NLGN1: variants seen among roughly 807,000 people sequenced by gnomAD.
NLGN1 encodes the protein neuroligin 1.
Under a neutral mutation model 65.5 loss-of-function variants are expected in NLGN1, and 12 were observed. That is an observed-to-expected ratio of 0.18 (90% CI 0.12 to 0.30). NLGN1 has a LOEUF of 0.30. Ranked by LOEUF, NLGN1 falls within the 10% of genes least tolerant of loss-of-function variation. The pLI is 1.00. For missense variants in NLGN1, 750 were observed against 1,007.1 expected (o/e 0.74, Z 3.46); for synonymous variants, 350 against 359.5 (o/e 0.97, Z 0.30).
chr3:173,702,580 T>G lies in NLGN1; in HGVS notation c.493+97489T>G, dbSNP rs185910992. On this transcript the variant is annotated intron_variant, in intron 3 of 6. Transcript: ENST00000457714. ...GATGATCAAAAAGAATTTTATTCTA[T>G]TAAAAGAACATCATATGATTTTGAG... Among the ~76,000 whole-genome samples the G allele has an allele frequency of 2.6e-5, 4 of 152,358 alleles. No homozygotes were observed. In the East Asian group the frequency reaches 7.7e-4, roughly 29 times the overall value.
chr3:173,957,596 C>A (rs561811817), intron 4 of NLGN1, among the ~76,000 whole-genome samples: 2 of 152,250 alleles, frequency 1.3e-5, no homozygotes, highest in African/African-American at 4.8e-5. Flanking sequence ...ACAATCATTT[C>A]GAGAGATATC....
intron 4 of NLGN1, among the ~76,000 whole-genome samples, chr3:174,267,532 G>A (rs1202760348): frequency 8.6e-5 from 13 of 151,942 alleles, no homozygotes; most frequent in Non-Finnish European, 1.6e-4. Context: ...TAGGACCTTG[G>A]CCTGTATTCT....
chr3:173,966,471 A>G (rs1423869275), intron 4 of NLGN1, among the ~76,000 whole-genome samples: 3 of 152,256 alleles, frequency 2.0e-5, no homozygotes, highest in Non-Finnish European at 2.9e-5. Flanking sequence ...ATAAACTAAG[A>G]AAGTACATGA....
chr3:173,398,416 C>T (rs1201267618), upstream of NLGN1: 1 of 152,186 alleles, frequency 6.6e-6, no homozygotes, highest in Non-Finnish European at 1.5e-5. Flanking sequence ...ATAAACTCTC[C>T]TGGGAAGAGA....
chr3:174,259,459 G>A (rs1313694265), intron 4 of NLGN1, among the ~76,000 whole-genome samples: 3 of 144,036 alleles, frequency 2.1e-5, no homozygotes, highest in East Asian at 2.0e-4. Context: ...CTCTTTTTTC[G>A]ATAGCCTAAG....
intron 4 of NLGN1, among the ~76,000 whole-genome samples, chr3:173,897,989 A>G (rs1736629028): frequency 6.6e-6 from 1 of 152,194 alleles, no homozygotes; most frequent in South Asian, 2.1e-4. Flanking sequence ...ATGTAAAAGA[A>G]ATGCTTTTCT....
chr3:174,128,157 A>T (rs978075966), intron 4 of NLGN1, among the ~76,000 whole-genome samples: 4 of 152,160 alleles, frequency 2.6e-5, no homozygotes, highest in African/African-American at 9.7e-5. Flanking sequence ...TTTATTGGAA[A>T]CACTCTCAAT....
At chr3:174,142,753 T>C (rs1230861732) in intron 4 of NLGN1, among the ~76,000 whole-genome samples, 1 of 152,230 alleles carries the variant, frequency 6.6e-6, no homozygotes. Context: ...CATATAATTT[T>C]ATGCACAACA....
intron 3 of NLGN1, among the ~76,000 whole-genome samples, chr3:173,667,239 G>GCACACACA (rs3032837): frequency 0.024 from 3,478 of 147,418 alleles, 64 homozygotes; most frequent in East Asian, 0.064. Flanking sequence ...ACACGCATAT[G>GCACACACA]CACACACACA....
intron 4 of NLGN1, among the ~76,000 whole-genome samples, chr3:173,853,315 CA>C (rs1172974931): frequency 6.6e-6 from 1 of 152,034 alleles, no homozygotes; most frequent in Non-Finnish European, 1.5e-5. Context: ...GCTTATGGGG[CA>C]TAATTAAAGA....
intron 3 of NLGN1, among the ~76,000 whole-genome samples, chr3:173,744,265 T>C (rs939325126): frequency 6.6e-6 from 1 of 152,132 alleles, no homozygotes; most frequent in Non-Finnish European, 1.5e-5. Flanking sequence ...TGCTACTCAA[T>C]AGGTGTTCAA....
Position 174,159,047 on chromosome 3 carries a change from T to A in NLGN1, c.647-116268T>A, listed in dbSNP as rs1726010195. On this transcript the variant is annotated intron_variant, in intron 4 of 6. Coordinates refer to ENST00000457714, the Ensembl canonical transcript of NLGN1. ...TCTTCTCTGGTTATTAGAGAAGAAT[T>A]CTTTACTGAGTAACTCCTGAGTCAA... 2.0e-5 allele frequency among the ~76,000 whole-genome samples: 3 copies of A among 151,806 alleles called. No individual in the cohort carries two copies. The South Asian group carries it at 6.2e-4, about 31-fold the overall frequency.
chr3:173,765,513 AT>A (rs1168118535), intron 3 of NLGN1, among the ~76,000 whole-genome samples: 1 of 152,092 alleles, frequency 6.6e-6, no homozygotes, highest in African/African-American at 2.4e-5. Context: ...TGAAATTTCA[AT>A]TTTTCCTCTT....
chr3:174,051,028 T>C (rs1441910960), intron 4 of NLGN1, among the ~76,000 whole-genome samples: 1 of 152,058 alleles, frequency 6.6e-6, no homozygotes, highest in African/African-American at 2.4e-5. Context: ...TTCTAAGAGA[T>C]CAAACAAGAG....
intron 2 of NLGN1, among the ~76,000 whole-genome samples, chr3:173,446,453 TC>T (rs1176353234): frequency 2.0e-5 from 3 of 152,238 alleles, no homozygotes; most frequent in Admixed American, 1.3e-4. Context: ...ATTTTCTTAA[TC>T]CAGTCTATCA....
chr3:173,405,654 T>G (rs913756379), intron 1 of NLGN1, among the ~76,000 whole-genome samples: 3 of 152,058 alleles, frequency 2.0e-5, no homozygotes, highest in African/African-American at 7.2e-5. Context: ...TTTTCTCTAT[T>G]TGCCCTCCAA....
intron 2 of NLGN1, among the ~76,000 whole-genome samples, chr3:173,589,596 A>T (rs1292902769): frequency 6.6e-6 from 1 of 152,140 alleles, no homozygotes; most frequent in Non-Finnish European, 1.5e-5. Context: ...TTAGAATGTG[A>T]TTTTCTTATA....
chr3:173,528,276 A>T (rs532661496), intron 2 of NLGN1, among the ~76,000 whole-genome samples: 1 of 152,290 alleles, frequency 6.6e-6, no homozygotes, highest in Non-Finnish European at 1.5e-5. Flanking sequence ...GGAGGCTAAA[A>T]ATAGGTCTCA....
intron 3 of NLGN1, among the ~76,000 whole-genome samples, chr3:173,658,524 T>C (rs746358170): frequency 6.6e-5 from 10 of 152,036 alleles, no homozygotes; most frequent in Non-Finnish European, 1.5e-4. Context: ...TAAAATTAAT[T>C]TGGAAATAGC....
Sources: gnomAD v4.1 joint callset for allele counts (sites outside exome capture counted in the v4.1 genomes callset) on GRCh38, gnomAD v4.1.1 for gene constraint, MANE v1.5 for transcripts, NCBI Gene and HGNC (gene_info 2026-07-23, HGNC 2026-07-21) for gene names.